Variants in TENM3 observed in about 807,000 individuals in gnomAD.
TENM3 encodes the protein teneurin transmembrane protein 3.
A neutral mutation model predicts 255.1 loss-of-function variants in TENM3; 63 were observed. The observed-to-expected ratio is 0.25, with a 90% CI of 0.20 to 0.30. The LOEUF is 0.30. TENM3 is among the 10% of genes least tolerant of loss of function. The pLI, the probability that TENM3 is intolerant of heterozygous loss-of-function variation, is 1.00. For synonymous variants in TENM3, 1,306 were observed against 1,322.3 expected, an observed-to-expected ratio of 0.99 and a Z score of 0.27; for missense variants, 2,929 against 3,461.1, an observed-to-expected ratio of 0.85 and a Z score of 3.86.
the TENM3 span, among the ~76,000 whole-genome samples, chr4:181,490,848 A>G: frequency 7.9e-4 from 120 of 152,128 alleles, 1 homozygote; most frequent in Non-Finnish European, 2.5e-4. Context: ...GTCTTGTGCT[A>G]TGGAGCAAAT....
intron 3 of TENM3, among the ~76,000 whole-genome samples, chr4:182,571,144 G>A (rs1744316722): frequency 6.6e-6 from 1 of 152,192 alleles, no homozygotes; most frequent in Non-Finnish European, 1.5e-5. Flanking sequence ...TGTGCTTACT[G>A]TCTTAGACGT....
the TENM3 span, among the ~76,000 whole-genome samples, chr4:182,086,855 C>T: frequency 5.3e-5 from 8 of 152,226 alleles, no homozygotes; most frequent in East Asian, 1.9e-4. Context: ...AATACTACAC[C>T]GACAGGCAGG....
At chr4:182,730,778 A>G (rs1760631868) in intron 15 of TENM3, 100 bp from the exon 16 acceptor site, 1 of 1,311,686 alleles carries the variant, frequency 7.6e-7, no homozygotes. Flanking sequence ...TTGGGAGAAA[A>G]AGTTGATTTT....
At chr4:181,991,836 C>A in the TENM3 span, among the ~76,000 whole-genome samples, 1 of 152,086 alleles carries the variant, frequency 6.6e-6, no homozygotes, top group Non-Finnish European at 1.5e-5. Context: ...AACCCCACCC[C>A]TATTTTTATA....
At chr4:181,862,541 T>C in the TENM3 span, among the ~76,000 whole-genome samples, 1 of 152,090 alleles carries the variant, frequency 6.6e-6, no homozygotes, top group Non-Finnish European at 1.5e-5. Context: ...TATCTCAAGC[T>C]TTGTCACAGA....
chr4:182,695,073 C>A (rs1252766512), intron 12 of TENM3, among the ~76,000 whole-genome samples: 2 of 152,108 alleles, frequency 1.3e-5, no homozygotes, highest in African/African-American at 2.4e-5. Context: ...CTAAAAATAT[C>A]TTTTTAGATT....
chr4:182,182,337 G>A (rs1369237251), intron 1 of TENM3, among the ~76,000 whole-genome samples: 1 of 152,092 alleles, frequency 6.6e-6, no homozygotes, highest in Admixed American at 6.6e-5. Flanking sequence ...TTATTTCTAA[G>A]CTTGAACTTA....
chr4:182,011,816 A>G, the TENM3 span, among the ~76,000 whole-genome samples: 1 of 152,156 alleles, frequency 6.6e-6, no homozygotes, highest in Non-Finnish European at 1.5e-5. Context: ...TGCAAACAAT[A>G]GATTAAGGCA....
intron 3 of TENM3, among the ~76,000 whole-genome samples, chr4:182,563,488 G>T (rs967141267): frequency 1.5e-4 from 23 of 150,342 alleles, no homozygotes; most frequent in African/African-American, 5.3e-4. Flanking sequence ...ACTTTTACTT[G>T]ATATAATTCA....
chr4:181,803,939 CAAAAAA>C, the TENM3 span, among the ~76,000 whole-genome samples: 11 of 117,564 alleles, frequency 9.4e-5, no homozygotes, highest in African/African-American at 3.6e-4. Flanking sequence ...ATTATCTCAA[CAAAAAA>C]AAAAAAAAGA....
At chr4:182,165,607 A>C (rs1017586621) in intron 1 of TENM3, among the ~76,000 whole-genome samples, 6 of 152,162 alleles carry the variant, frequency 3.9e-5, no homozygotes, top group Non-Finnish European at 7.3e-5. Flanking sequence ...TAGAAAACCA[A>C]CTTTCCATCA....
At chr4:181,474,683 C>G in the TENM3 span, among the ~76,000 whole-genome samples, 1 of 148,950 alleles carries the variant, frequency 6.7e-6, no homozygotes, top group Non-Finnish European at 1.5e-5. Flanking sequence ...TGCAGCAAGT[C>G]GAGATCATGC....
the TENM3 span, among the ~76,000 whole-genome samples, chr4:182,003,006 A>C: frequency 6.6e-6 from 1 of 152,206 alleles, no homozygotes; most frequent in Non-Finnish European, 1.5e-5. Flanking sequence ...CTGACGTATT[A>C]TGCTTGTTCA....
At chr4:182,424,375 T>G (rs984698379) in intron 3 of TENM3, among the ~76,000 whole-genome samples, 13 of 152,158 alleles carry the variant, frequency 8.5e-5, no homozygotes, top group African/African-American at 3.1e-4. Flanking sequence ...TTTGAGTCTT[T>G]CAGTTAAAGT....
chr4:182,396,880 T>C (rs902615023), intron 3 of TENM3, among the ~76,000 whole-genome samples: 5 of 152,022 alleles, frequency 3.3e-5, no homozygotes, highest in Non-Finnish European at 7.4e-5. Context: ...GAGAATTGCT[T>C]GTACGCGAGA....
At chr4:182,466,628 C>T (rs1004022744) in intron 3 of TENM3, among the ~76,000 whole-genome samples, 3 of 151,978 alleles carry the variant, frequency 2.0e-5, no homozygotes, top group African/African-American at 7.3e-5. Flanking sequence ...CAGTTTCCAG[C>T]CTCTGCGTGT....
chr4:181,796,031 G>A, the TENM3 span, among the ~76,000 whole-genome samples: 1 of 152,280 alleles, frequency 6.6e-6, no homozygotes, highest in South Asian at 2.1e-4. Context: ...CTGAGTATTT[G>A]GCAATTGATT....
At chr4:181,622,924 C>T in the TENM3 span, among the ~76,000 whole-genome samples, 5 of 152,218 alleles carry the variant, frequency 3.3e-5, no homozygotes, top group African/African-American at 1.2e-4. Context: ...ACACACATTA[C>T]TAACTTAATA....
At chr4:182,201,516 G>A (rs1462806577) in intron 1 of TENM3, among the ~76,000 whole-genome samples, 2 of 152,100 alleles carry the variant, frequency 1.3e-5, no homozygotes, top group Non-Finnish European at 2.9e-5. Flanking sequence ...GTGGGAGAGG[G>A]TGAGGTCAAC....
Sources: allele counts gnomAD v4.1 joint callset (sites outside exome capture counted in the v4.1 genomes callset), GRCh38; gene constraint gnomAD v4.1.1; transcripts MANE v1.5; gene names NCBI Gene and HGNC (gene_info 2026-07-23, HGNC 2026-07-21).